The following STC1 variants were observed in gnomAD, a reference collection of about 807,000 sequenced individuals.
STC1 encodes stanniocalcin-1.
In STC1, 7 loss-of-function variants were observed where a neutral mutation model predicts 22.6. The observed-to-expected ratio is 0.31, with a 90% CI of 0.18 to 0.58. The LOEUF (loss-of-function observed/expected upper bound fraction) is 0.58. STC1 is among the 20% of genes least tolerant of loss of function. STC1 has a pLI of 0.89. For synonymous variants in STC1, 113 were observed against 120.7 expected (o/e 0.94, Z 0.42); for missense variants, 224 against 311.0 (o/e 0.72, Z 2.10).
At position 23,844,242 on chromosome 8, in the gene STC1, A is replaced by C. The variant is rs1211921317; in HGVS notation, c.*528T>G. The C allele has an allele frequency of 6.4e-6, 1 of 155,620 alleles. No individual in the cohort carries two copies. The highest frequency in any genetic ancestry group is 2.4e-5 in the African/African-American group (1 of 41,500). 9.6% of individuals were successfully genotyped at this position (155,620 alleles called of 1,614,324 possible). On this transcript the variant is annotated 3_prime_UTR_variant, in exon 4 of 4. Coordinates refer to ENST00000290271, the MANE Select transcript of STC1 (RefSeq NM_003155.3). Reference sequence around the variant, plus strand: ...AAGAAAATTAGACATTGGAGGATCAAGACCATAAGACACTAGCTCATTAGA... The same window carrying C: ...AAGAAAATTAGACATTGGAGGATCACGACCATAAGACACTAGCTCATTAGA...
At chr8:23,851,279 T>C in intron 3 of STC1, 41 bp downstream of exon 3, 7 of 1,606,600 alleles carry the variant, frequency 4.4e-6, no homozygotes, top group Non-Finnish European at 6.0e-6. Context: ...AGCCACCTGC[T>C]CCCAGTCCCC....
rs760303111 is a variant in STC1, at chr8:23,845,073, AC to A, written c.474-34del. The A allele has an allele frequency of 1.4e-5, 23 of 1,606,526 alleles. No homozygotes were observed. In the African/African-American group the frequency reaches 2.9e-4, roughly 21 times the overall value. On this transcript the variant is annotated intron_variant, in intron 3 of 3. Transcript: ENST00000290271. ...AAGAAAGAGAGTGCATATGGTGGTC[AC>A]CCAGTGAGAGCCCGGCGAGACCCAG...
rs1169202311 is a variant in STC1, at chr8:23,852,271, A to G, written c.232T>C (p.Leu78=). The G allele has an allele frequency of 2.5e-6, 4 of 1,614,150 alleles. No homozygotes were observed. The highest frequency in any genetic ancestry group is 3.4e-6 in the Non-Finnish European group (4 of 1,180,026). The change falls in exon 2 of 4, where the codon TTG becomes CTG. Residue 78 remains leucine (L), a synonymous_variant. Transcript: ENST00000290271. ...DGMYDICKSF[L]YSAAKFDTQG... ...GTGTCAAATTTAGCAGCGCTGTACA[A>G]GAAGGATTTACAGATGTCATACATC...
intron 3 of STC1, among the ~76,000 whole-genome samples, chr8:23,849,389 G>A (rs981579354): frequency 2.0e-5 from 3 of 152,088 alleles, no homozygotes; most frequent in Admixed American, 1.3e-4. Context: ...GGAAGATTCC[G>A]GTTTTCAAGG....
chr8:23,846,587 G>A (rs903076738), intron 3 of STC1, among the ~76,000 whole-genome samples: 1 of 152,186 alleles, frequency 6.6e-6, no homozygotes, highest in African/African-American at 2.4e-5. Context: ...TTTCAAAGAT[G>A]TGTGGTAAAT....
At chr8:23,847,527 C>A (rs948662959) in intron 3 of STC1, among the ~76,000 whole-genome samples, 17 of 152,186 alleles carry the variant, frequency 1.1e-4, no homozygotes, top group African/African-American at 3.9e-4. Context: ...AAACAAAGTC[C>A]ATGTCTCCAT....
intron 1 of STC1, among the ~76,000 whole-genome samples, chr8:23,853,362 C>T (rs1802661531): frequency 6.6e-6 from 1 of 152,130 alleles, no homozygotes; most frequent in Non-Finnish European, 1.5e-5. Flanking sequence ...TATATTTCCA[C>T]GGGTTTAAAT....
At chr8:23,850,447 G>A (rs1402634699) in intron 3 of STC1, among the ~76,000 whole-genome samples, 1 of 152,160 alleles carries the variant, frequency 6.6e-6, no homozygotes, top group African/African-American at 2.4e-5. Flanking sequence ...TGACCGGTCT[G>A]CACTGCCCCT....
At position 23,854,093 on chromosome 8, in the gene STC1, A is replaced by T. The variant is rs1283949302; in HGVS notation, c.118+313T>A. The stretch of plus-strand genomic sequence containing the variant: ...ATAGAGAGCGCTTTGAAGCATGCCA[A>T]CATTCAAGCCTTTCCTCCCCTCTCA... On this transcript the variant is annotated intron_variant, in intron 1 of 3. Coordinates refer to ENST00000290271, the MANE Select transcript of STC1 (RefSeq NM_003155.3). 22 of 1,181,768 alleles carry T rather than the reference A, an allele frequency of 1.9e-5. No homozygotes were observed. In the South Asian group the frequency reaches 2.2e-4, roughly 12 times the overall value. 73.2% of individuals were successfully genotyped at this position (1,181,768 alleles called of 1,614,324 possible).
rs1563344396 is a variant in STC1 at position 23,854,720 on chromosome 8, T to TGCTGCTGCTGCC, written c.-198_-197insGGCAGCAGCAGC. On this transcript the variant is annotated 5_prime_UTR_variant, in exon 1 of 4. Transcript: ENST00000290271. ...CCGGTGCCTCCGCTGCTGCTGCTGC[T>TGCTGCTGCTGCC]GCCGCCGCTGCTGCTGCTGCTGCCA... 1 of 662,586 alleles carries TGCTGCTGCTGCC rather than the reference T, an allele frequency of 1.5e-6. No individual in the cohort carries two copies. Among genetic ancestry groups the TGCTGCTGCTGCC allele is most frequent in the African/African-American group, 1.8e-5 (1 of 55,096 alleles). 41.0% of individuals were successfully genotyped at this position (662,586 alleles called of 1,614,324 possible).
chr8:23,851,917 G>A (rs1241979178), intron 2 of STC1, among the ~76,000 whole-genome samples: 2 of 152,100 alleles, frequency 1.3e-5, no homozygotes, highest in African/African-American at 4.8e-5. Flanking sequence ...ACGTTTTTAT[G>A]TCCTCTTACA....
chr8:23,844,382 C>T lies in STC1; in HGVS notation c.*388G>A. The T allele has an allele frequency of 9.5e-6, 2 of 211,296 alleles. No homozygotes were observed. Among genetic ancestry groups the T allele is most frequent in the Non-Finnish European group, 1.9e-5 (2 of 103,800 alleles). The allele number at this position is 211,296 out of a possible 1,614,324, so 13.1% of individuals were successfully genotyped here. A position where few individuals can be genotyped will look rare whatever the true frequency, so the allele number is the denominator to read the frequency against. On this transcript the variant is annotated 3_prime_UTR_variant, in exon 4 of 4. Transcript: ENST00000290271. ...AAGACATGCATTTAAATAAAGTTTC[C>T]TTATCAGCTAACTCTACTGGGGCAA... is the stretch of plus-strand genomic sequence containing the variant.
chr8:23,844,445 C>T lies in STC1; in HGVS notation c.*325G>A, dbSNP rs1047466835. 2.8e-6 allele frequency: 1 copy of T among 351,398 alleles called. No homozygotes were observed. Among genetic ancestry groups the T allele is most frequent in the Admixed American group, 4.2e-5 (1 of 24,042 alleles). 21.8% of individuals were successfully genotyped at this position (351,398 alleles called of 1,614,324 possible). A position where few individuals can be genotyped will look rare whatever the true frequency, so the allele number is the denominator to read the frequency against. On this transcript the variant is annotated 3_prime_UTR_variant, in exon 4 of 4. Coordinates refer to ENST00000290271, the MANE Select transcript of STC1 (RefSeq NM_003155.3). ...GATCCACATCTTCAAATTACAATGGCTGGAGAGTTACATGAATGTTTTGTG... is the reference window on the plus strand; with the variant it reads ...GATCCACATCTTCAAATTACAATGGTTGGAGAGTTACATGAATGTTTTGTG...
rs1802545792 is a variant in STC1, at chr8:23,844,316, A to AT, written c.*453dup. 5.5e-6 allele frequency: 1 copy of AT among 181,592 alleles called. No individual in the cohort carries two copies. The highest frequency in any genetic ancestry group is 5.3e-5 in the Admixed American group (1 of 18,770). The allele number at this position is 181,592 out of a possible 1,614,324, so 11.2% of individuals were successfully genotyped here. Reference sequence around the variant, plus strand: ...TCATATTCGTCCATGGCCAGCACAGATTCATAACACGAATTCCATTTAACA... The same window carrying AT: ...TCATATTCGTCCATGGCCAGCACAGATTTCATAACACGAATTCCATTTAACA... On this transcript the variant is annotated 3_prime_UTR_variant, in exon 4 of 4. Transcript: ENST00000290271.
chr8:23,843,838 C>G lies in STC1; in HGVS notation c.*932G>C, dbSNP rs566494718. On this transcript the variant is annotated 3_prime_UTR_variant, in exon 4 of 4. Transcript: ENST00000290271. The stretch of plus-strand genomic sequence containing the variant: ...GATGTTGAATTAAAACTACTTCTAC[C>G]CCCTTAGTTATAAAAAAGGCCACAA... 5 of 152,704 alleles carry G rather than the reference C, an allele frequency of 3.3e-5. No homozygotes were observed. Among genetic ancestry groups the G allele is most frequent in the African/African-American group, 1.2e-4 (5 of 41,542 alleles). The allele number at this position is 152,704 out of a possible 1,614,324, so 9.5% of individuals were successfully genotyped here. A position where few individuals can be genotyped will look rare whatever the true frequency, so the allele number is the denominator to read the frequency against.
At position 23,854,386 on chromosome 8, in the gene STC1, C is replaced by T. The variant is rs749573405; in HGVS notation, c.118+20G>A. The T allele has an allele frequency of 1.2e-6, 2 of 1,608,402 alleles. No homozygotes were observed. The highest frequency in any genetic ancestry group is 1.1e-5 in the South Asian group (1 of 90,964). On this transcript the variant is annotated intron_variant, in intron 1 of 3. Transcript: ENST00000290271. Reference sequence around the variant, plus strand: ...GGACAGCTCTTTGGGGGAGAAACCGCTCTTGGGTTTGCTGCTTACCTGAGT... The same window carrying T: ...GGACAGCTCTTTGGGGGAGAAACCGTTCTTGGGTTTGCTGCTTACCTGAGT...
intron 3 of STC1, among the ~76,000 whole-genome samples, chr8:23,846,967 T>A (rs551610823): frequency 1.3e-5 from 2 of 152,274 alleles, no homozygotes; most frequent in South Asian, 4.1e-4. Flanking sequence ...AGGACCTGGG[T>A]CTTTGGATGG....
rs1201118795 is a variant in STC1, at chr8:23,844,484, T to A, written c.*286A>T. 1.1e-5 allele frequency: 5 copies of A among 443,052 alleles called. No individual in the cohort carries two copies. Among genetic ancestry groups the A allele is most frequent in the South Asian group, 5.5e-5 (2 of 36,458 alleles). 27.4% of individuals were successfully genotyped at this position (443,052 alleles called of 1,614,324 possible). On this transcript the variant is annotated 3_prime_UTR_variant, in exon 4 of 4. Coordinates refer to ENST00000290271, the MANE Select transcript of STC1 (RefSeq NM_003155.3). Reference sequence around the variant, plus strand: ...GAATGTTTTGTGTTTGGGGGTGGTCTCAGGGGAGCAGGGGAAAAACATGGC... The same window carrying A: ...GAATGTTTTGTGTTTGGGGGTGGTCACAGGGGAGCAGGGGAAAAACATGGC...
chr8:23,848,960 T>G (rs1483376396), intron 3 of STC1, among the ~76,000 whole-genome samples: 2 of 152,226 alleles, frequency 1.3e-5, no homozygotes, highest in South Asian at 2.1e-4. Flanking sequence ...ACCGCCCTGC[T>G]GGCCTGATCA....
Sources: allele counts gnomAD v4.1 joint callset (sites outside exome capture counted in the v4.1 genomes callset), GRCh38; gene constraint gnomAD v4.1.1; transcripts MANE v1.5; gene names NCBI Gene and HGNC (gene_info 2026-07-23, HGNC 2026-07-21).